KIF17: variants seen among roughly 807,000 people sequenced by gnomAD.
KIF17 encodes the protein kinesin-like protein KIF17.
KIF17 carries 80 observed loss-of-function variants against 96.8 expected under a neutral mutation model. The observed-to-expected ratio is 0.83, with a 90% CI of 0.69 to 1.00. KIF17 has a LOEUF of 1.00. Ranked by LOEUF, KIF17 falls within the 50% of genes least tolerant of loss-of-function variation. The pLI is 0.00. For missense variants in KIF17, 1,280 were observed against 1,372.9 expected, an observed-to-expected ratio of 0.93 and a Z score of 1.07; for synonymous variants, 567 against 587.5, an observed-to-expected ratio of 0.97 and a Z score of 0.51.
chr1:20,674,014 G>A (rs997250979), intron 11 of KIF17, among the ~76,000 whole-genome samples: 4 of 151,774 alleles, frequency 2.6e-5, no homozygotes, highest in Non-Finnish European at 2.9e-5. Context: ...CTGTGGCCTC[G>A]ACGTTCTGGG....
At chr1:20,691,255 G>A (rs1244900480) in intron 6 of KIF17, among the ~76,000 whole-genome samples, 1 of 151,214 alleles carries the variant, frequency 6.6e-6, no homozygotes, top group African/African-American at 2.4e-5. Context: ...TCACACCACT[G>A]CACTCCAGCC....
chr1:20,716,994 G>A (rs1042440902), intron 1 of KIF17, among the ~76,000 whole-genome samples: 1 of 152,178 alleles, frequency 6.6e-6, no homozygotes, highest in Admixed American at 6.5e-5. Context: ...GACCCATGCT[G>A]TAACCAAAAC....
At chr1:20,679,718 A>T (rs974165972) in intron 11 of KIF17, among the ~76,000 whole-genome samples, 1 of 152,056 alleles carries the variant, frequency 6.6e-6, no homozygotes, top group Non-Finnish European at 1.5e-5. Flanking sequence ...AAAGATGGGG[A>T]CTTCAGTCCC....
At position 20,704,433 on chromosome 1, in the gene KIF17, C is replaced by A; in HGVS notation, c.1123+14G>T. 6.2e-7 allele frequency: 1 copy of A among 1,610,854 alleles called. No individual in the cohort carries two copies. Among genetic ancestry groups the A allele is most frequent in the South Asian group, 1.1e-5 (1 of 90,726 alleles). ...GGACCTGGCCCTCCCGCCACTACCC[C>A]AACGTGGTCCCACCTGACAGGCTGC... On this transcript the variant is annotated intron_variant, in intron 5 of 14. Transcript: ENST00000400463. This position sits in a 1 kb window ranked among gnomAD's most constrained non-coding sequence, Gnocchi z 6.8.
Position 20,717,499 on chromosome 1 carries a change from C to A in KIF17, c.208G>T (p.Glu70Ter). The part of the protein sequence containing the change: ...VDHVTEQIYN[E>*]IAYPLVEGVT... Reference sequence around the variant, plus strand: ...ACCTCCACCAGCGGATAGGCGATCTCGTTGTAGATCTGCTCGGTGACGTGG... The same window carrying A: ...ACCTCCACCAGCGGATAGGCGATCTAGTTGTAGATCTGCTCGGTGACGTGG... Residue 70 changes from glutamate to a stop codon, truncating the protein, a stop_gained, in exon 1 of 15, where the codon GAG becomes TAG. Coordinates refer to ENST00000400463, the MANE Select transcript of KIF17 (RefSeq NM_001122819.3). LOFTEE classifies it high-confidence loss of function. 1.2e-6 allele frequency: 2 copies of A among 1,611,618 alleles called. No individual in the cohort carries two copies. The highest frequency in any genetic ancestry group is 1.7e-6 in the Non-Finnish European group (2 of 1,179,626).
At chr1:20,691,456 T>C (rs2054037793) in intron 6 of KIF17, among the ~76,000 whole-genome samples, 2 of 148,526 alleles carry the variant, frequency 1.3e-5, no homozygotes, top group Admixed American at 1.4e-4. Context: ...CTCTCAGTGC[T>C]TCTTTTTTTT....
In KIF17 at chr1:20,715,556, C is replaced by T. The variant is rs780291863; in HGVS notation, c.315G>A (p.Pro105=). The T allele has an allele frequency of 3.1e-6, 5 of 1,613,716 alleles. No individual in the cohort carries two copies. In the East Asian group the frequency reaches 8.9e-5, roughly 29 times the overall value. Residue 105 remains proline, a synonymous_variant, in exon 2 of 15, where the codon CCG becomes CCA. Transcript: ENST00000400463. ...SGKSFTMQGL[P]DPPSQRGIIP... ...TGATGCCTCTCTGGGAGGGCGGATC[C>T]GGCAGGCCCTGCATGGTGAAGGACT...
In KIF17 at chr1:20,664,651, A is replaced by G. The variant is rs768825310; in HGVS notation, c.3020T>C (p.Leu1007Pro). ...PQPRPFRLES[L>P]DIPFTKAKRK... ...CTTGGCCTTGGTGAAAGGGATGTCGAGGGACTCGAGGCGGAAGGGCCGGGG... is the reference window on the plus strand; with the variant it reads ...CTTGGCCTTGGTGAAAGGGATGTCGGGGGACTCGAGGCGGAAGGGCCGGGG... The change falls in exon 15 of 15, where the codon CTC (leucine) becomes CCC (proline). Residue 1007 changes from leucine (L) to proline (P), a missense_variant. Coordinates refer to ENST00000400463, the MANE Select transcript of KIF17 (RefSeq NM_001122819.3). 2.6e-5 allele frequency: 33 copies of G among 1,290,462 alleles called. 1 individual carries two copies. The highest frequency in any genetic ancestry group is 9.4e-5 in the Admixed American group (4 of 42,580). 79.9% of individuals were successfully genotyped at this position (1,290,462 alleles called of 1,614,324 possible). A position where few individuals can be genotyped will look rare whatever the true frequency, so the allele number is the denominator to read the frequency against.
At chr1:20,706,298 A>G (rs538354061) in intron 4 of KIF17, among the ~76,000 whole-genome samples, 1 of 151,878 alleles carries the variant, frequency 6.6e-6, no homozygotes, top group African/African-American at 2.4e-5. Flanking sequence ...TTAGGCTATT[A>G]AAAAACAACA....
Position 20,685,123 on chromosome 1 carries a change from C to T in KIF17, c.2020-103G>A, listed in dbSNP as rs1052163915. The stretch of plus-strand genomic sequence containing the variant: ...CCAGACGGGGCCATTCCGCCTGCTG[C>T]AGCCCCGACAGATCACCTCCAGCTC... On this transcript the variant is annotated intron_variant, in intron 9 of 14. Coordinates refer to ENST00000400463, the MANE Select transcript of KIF17 (RefSeq NM_001122819.3). The surrounding 1 kb of genome is among the most constrained non-coding windows in gnomAD (Gnocchi z 4.1). 4 of 861,184 alleles carry T rather than the reference C, an allele frequency of 4.6e-6. No individual in the cohort carries two copies. In the African/African-American group the frequency reaches 5.0e-5, roughly 11 times the overall value. 53.3% of individuals were successfully genotyped at this position (861,184 alleles called of 1,614,324 possible). A position where few individuals can be genotyped will look rare whatever the true frequency, so the allele number is the denominator to read the frequency against.
rs2054612354 is a variant in KIF17 at position 20,717,841 on chromosome 1, G to GGGGGCGGGGCCTTGAGGCA, written c.-136_-135insTGCCTCAAGGCCCCGCCCC. 1.2e-6 allele frequency: 1 copy of GGGGGCGGGGCCTTGAGGCA among 802,258 alleles called. No individual in the cohort carries two copies. The highest frequency in any genetic ancestry group is 6.9e-5 in the Admixed American group (1 of 14,590). The allele number at this position is 802,258 out of a possible 1,614,324, so 49.7% of individuals were successfully genotyped here. ...TTGAGGCAGGGGCGGGGCCGCGGCG[G>GGGGGCGGGGCCTTGAGGCA]GGGGCGGGGACCCCTCGGGGGGCGC... On this transcript the variant is annotated 5_prime_UTR_variant, in exon 1 of 15. Transcript: ENST00000400463.
intron 11 of KIF17, among the ~76,000 whole-genome samples, chr1:20,675,239 A>T (rs1009810901): frequency 2.0e-5 from 3 of 151,528 alleles, no homozygotes; most frequent in Non-Finnish European, 4.4e-5. Flanking sequence ...CAAGGCCAGG[A>T]GATCAAGACC....
At position 20,664,260 on chromosome 1, in the gene KIF17, G is replaced by A; in HGVS notation, c.*324C>T. 2.7e-6 allele frequency: 3 copies of A among 1,123,148 alleles called. No homozygotes were observed. The South Asian group carries it at 5.1e-5, about 19-fold the overall frequency. The allele number at this position is 1,123,148 out of a possible 1,614,324, so 69.6% of individuals were successfully genotyped here. A position where few individuals can be genotyped will look rare whatever the true frequency, so the allele number is the denominator to read the frequency against. On this transcript the variant is annotated 3_prime_UTR_variant, in exon 15 of 15. Coordinates refer to ENST00000400463, the MANE Select transcript of KIF17 (RefSeq NM_001122819.3). ...AGGGCTGGTGAAGGCCGTGAAGCAGGTCTCAGGCTTTGAGGCAAAGACCAA... is the reference window on the plus strand; with the variant it reads ...AGGGCTGGTGAAGGCCGTGAAGCAGATCTCAGGCTTTGAGGCAAAGACCAA...
chr1:20,693,199 C>G (rs953068849), intron 6 of KIF17: 1 of 151,970 alleles, frequency 6.6e-6, no homozygotes, highest in Non-Finnish European at 1.5e-5. Context: ...TATTGCCTCT[C>G]CCTCAGGGTC....
Position 20,704,716 on chromosome 1 carries a change from A to T in KIF17, c.854T>A (p.Val285Asp). 1 of 1,613,422 alleles carries T rather than the reference A, an allele frequency of 6.2e-7. No homozygotes were observed. Residue 285 changes from valine to aspartate, a missense_variant, in exon 5 of 15, where the codon GTC becomes GAC. Val to Asp is a radical substitution (Grantham distance 152). Coordinates refer to ENST00000400463, the MANE Select transcript of KIF17 (RefSeq NM_001122819.3). The surrounding 1 kb of genome is among the most constrained non-coding windows in gnomAD (Gnocchi z 6.8). ...SALVDGRCKH[V>D]PYRDSKLTRL... ...CGTCAGCTTCGAGTCACGGTAGGGG[A>T]CGTGCTTACAGCGCCCGTCCACCAG...
chr1:20,702,902 G>A (rs768994298), intron 5 of KIF17, among the ~76,000 whole-genome samples: 5 of 152,160 alleles, frequency 3.3e-5, no homozygotes, highest in Non-Finnish European at 7.3e-5. Flanking sequence ...GGTACCCCAC[G>A]AGGCACAGCC....
At chr1:20,679,366 G>A (rs911792667) in intron 11 of KIF17, among the ~76,000 whole-genome samples, 16 of 152,178 alleles carry the variant, frequency 1.1e-4, no homozygotes, top group Non-Finnish European at 2.2e-4. Flanking sequence ...TGTAGTCCCA[G>A]CTACTCAGGA....
chr1:20,712,597 T>G lies in KIF17; in HGVS notation c.480+857A>C, dbSNP rs796562657. ...ATAATATTATCTATATATATATCTA[T>G]ATATATCTATATATATATAATATAG... On this transcript the variant is annotated intron_variant, in intron 3 of 14. Coordinates refer to ENST00000400463, the MANE Select transcript of KIF17 (RefSeq NM_001122819.3). Among the ~76,000 whole-genome samples the G allele has an allele frequency of 9.4e-3, 135 of 14,416 alleles. 35 individuals carry two copies. Among genetic ancestry groups the G allele is most frequent in the African/African-American group, 0.012 (73 of 6,002 alleles). 9.5% of individuals were successfully genotyped at this position (14,416 alleles called of 152,430 possible). A position where few individuals can be genotyped will look rare whatever the true frequency, so the allele number is the denominator to read the frequency against.
intron 7 of KIF17, among the ~76,000 whole-genome samples, chr1:20,689,805 G>A (rs565616807): frequency 2.8e-4 from 42 of 152,276 alleles, no homozygotes; most frequent in African/African-American, 8.9e-4. Flanking sequence ...ACAGCAATTC[G>A]GGGCAGGGAC....
Sources: gnomAD v4.1 joint callset for allele counts (sites outside exome capture counted in the v4.1 genomes callset) on GRCh38, gnomAD v4.1.1 for gene constraint, Gnocchi (gnomAD v3.1) non-coding constraint, MANE v1.5 for transcripts, NCBI Gene and HGNC (gene_info 2026-07-23, HGNC 2026-07-21) for gene names.